Variants in ACYP2 observed in about 807,000 individuals in gnomAD.
ACYP2 encodes acylphosphatase 2, also known as acylphosphatase-2.
ACYP2 carries 12 observed loss-of-function variants against 11.2 expected under a neutral mutation model. The observed-to-expected ratio is 1.08, with a 90% CI of 0.69 to 1.74. The LOEUF is 1.74. Among genes scored for constraint, ACYP2 ranks in the 40% most tolerant of loss-of-function variants. ACYP2 has a pLI of 0.00. For missense variants in ACYP2, 134 were observed against 101.9 expected, an observed-to-expected ratio of 1.31 and a Z score of -1.35; for synonymous variants, 43 against 32.2, an observed-to-expected ratio of 1.33 and a Z score of -1.13.
intron 2 of ACYP2, among the ~76,000 whole-genome samples, chr2:54,043,072 GGTGTGTGTGTGT>G (rs58940352): frequency 1.3e-5 from 2 of 148,892 alleles, no homozygotes; most frequent in Non-Finnish European, 3.0e-5. Flanking sequence ...GTGTGTGTGG[GGTGTGTGTGTGT>G]GTGTGTGTGT....
At chr2:53,974,025 G>C (rs573552347) in intron 2 of ACYP2, among the ~76,000 whole-genome samples, 40 of 150,392 alleles carry the variant, frequency 2.7e-4, no homozygotes, top group Admixed American at 1.5e-3. Flanking sequence ...TTCTGCCTCA[G>C]CGCCTCGAGT....
intron 6 of ACYP2, among the ~76,000 whole-genome samples, chr2:54,285,833 A>G (rs1263458597): frequency 6.6e-6 from 1 of 152,132 alleles, no homozygotes. Context: ...CACAGATGTG[A>G]TGGTTGGAAC....
At chr2:54,238,914 AT>A (rs1353380651) in intron 6 of ACYP2, among the ~76,000 whole-genome samples, 1 of 151,390 alleles carries the variant, frequency 6.6e-6, no homozygotes, top group Non-Finnish European at 1.5e-5. Flanking sequence ...TGCCTAGCCT[AT>A]TTTTTTGTGG....
intron 6 of ACYP2, among the ~76,000 whole-genome samples, chr2:54,191,674 A>G (rs1022312130): frequency 1.3e-5 from 2 of 152,204 alleles, no homozygotes; most frequent in Admixed American, 6.5e-5. Flanking sequence ...CTGTGTAACT[A>G]TTAACCATTA....
chr2:54,265,402 T>G (rs1298368602), intron 6 of ACYP2, among the ~76,000 whole-genome samples: 1 of 152,160 alleles, frequency 6.6e-6, no homozygotes, highest in African/African-American at 2.4e-5. Context: ...ACCCCCATGA[T>G]TCAGTGATCT....
At chr2:54,020,236 C>G (rs1573536258) in intron 2 of ACYP2, among the ~76,000 whole-genome samples, 1 of 152,300 alleles carries the variant, frequency 6.6e-6, no homozygotes, top group East Asian at 1.9e-4. Context: ...CGTGCCTGGC[C>G]TTAATGATGC....
chr2:54,155,848 T>A (rs1682408925), intron 6 of ACYP2, among the ~76,000 whole-genome samples: 1 of 152,220 alleles, frequency 6.6e-6, no homozygotes, highest in African/African-American at 2.4e-5. Flanking sequence ...ACATGTTAAT[T>A]TCCACATATT....
chr2:54,250,598 A>T (rs1481378074), intron 6 of ACYP2, among the ~76,000 whole-genome samples: 2 of 152,238 alleles, frequency 1.3e-5, no homozygotes, highest in African/African-American at 4.8e-5. Flanking sequence ...AAATTATGTG[A>T]TATGAATTGA....
intron 6 of ACYP2, among the ~76,000 whole-genome samples, chr2:54,226,597 G>A (rs566428381): frequency 6.6e-5 from 10 of 152,356 alleles, no homozygotes; most frequent in African/African-American, 2.2e-4. Flanking sequence ...ATGAATTTGA[G>A]TAATCAATCC....
chr2:54,191,870 T>TAGGC (rs1684255232), intron 6 of ACYP2, among the ~76,000 whole-genome samples: 1 of 152,200 alleles, frequency 6.6e-6, no homozygotes. Context: ...AGACAGATAA[T>TAGGC]AAACATATGT....
intron 6 of ACYP2, among the ~76,000 whole-genome samples, chr2:54,188,061 A>T (rs992552594): frequency 6.6e-6 from 1 of 152,208 alleles, no homozygotes; most frequent in Non-Finnish European, 1.5e-5. Context: ...TGGACTTCGC[A>T]GCCTCCAGAA....
chr2:54,121,271 T>A (rs1207454441), intron 4 of ACYP2, among the ~76,000 whole-genome samples: 1 of 151,752 alleles, frequency 6.6e-6, no homozygotes, highest in Non-Finnish European at 1.5e-5. Flanking sequence ...GAGTCTGGGG[T>A]TTTTATGGGC....
At chr2:54,090,667 C>T (rs1678179560) in intron 4 of ACYP2, among the ~76,000 whole-genome samples, 1 of 152,152 alleles carries the variant, frequency 6.6e-6, no homozygotes, top group Non-Finnish European at 1.5e-5. Flanking sequence ...TCCTCCCTTC[C>T]TGCCTTTGCC....
intron 6 of ACYP2, among the ~76,000 whole-genome samples, chr2:54,204,568 T>C (rs1684996265): frequency 6.6e-6 from 1 of 152,204 alleles, no homozygotes; most frequent in Non-Finnish European, 1.5e-5. Context: ...TAAGTAAATA[T>C]CCTGTTCTTG....
At chr2:54,051,760 G>T (rs1196317503) in intron 3 of ACYP2, 4 of 526,862 alleles carry the variant, frequency 7.6e-6, no homozygotes, top group Non-Finnish European at 1.4e-5. Flanking sequence ...AAAGAAGGAA[G>T]AGTGCCAGGC....
chr2:54,233,153 C>T (rs1476927012), intron 6 of ACYP2, among the ~76,000 whole-genome samples: 1 of 151,638 alleles, frequency 6.6e-6, no homozygotes, highest in African/African-American at 2.4e-5. Context: ...TGATAAGTTA[C>T]ACTCATTTTT....
chr2:54,150,909 T>C (rs574633285), intron 6 of ACYP2, among the ~76,000 whole-genome samples: 1 of 151,676 alleles, frequency 6.6e-6, no homozygotes, highest in East Asian at 2.0e-4. Context: ...GCCCGGCTAA[T>C]TTTTTGTATT....
intron 6 of ACYP2, among the ~76,000 whole-genome samples, chr2:54,179,504 G>C (rs970650709): frequency 1.3e-5 from 2 of 152,206 alleles, no homozygotes; most frequent in East Asian, 1.9e-4. Flanking sequence ...TTCAGAGATA[G>C]AGCAGCCCCA....
intron 6 of ACYP2, among the ~76,000 whole-genome samples, chr2:54,227,360 G>C (rs926191053): frequency 3.3e-5 from 5 of 152,054 alleles, no homozygotes; most frequent in African/African-American, 1.2e-4. Flanking sequence ...ATGCACACTG[G>C]GCTGAACAAA....
Sources: allele counts gnomAD v4.1 joint callset (sites outside exome capture counted in the v4.1 genomes callset), GRCh38; gene constraint gnomAD v4.1.1; transcripts MANE v1.5; gene names NCBI Gene and HGNC (gene_info 2026-07-23, HGNC 2026-07-21).